The following WDR3 variants were observed in gnomAD, a reference collection of about 807,000 sequenced individuals.
WDR3 encodes the protein WD repeat domain 3, also known as WD repeat-containing protein 3.
In WDR3, 81 loss-of-function variants were observed where a neutral mutation model predicts 123.7. That is an observed-to-expected ratio of 0.65 (90% CI 0.55 to 0.79). The LOEUF (loss-of-function observed/expected upper bound fraction) is 0.79, where lower values mean the gene tolerates loss of function less well. WDR3 is among the 30% of genes least tolerant of loss of function. The probability of loss-of-function intolerance (pLI) is 0.00; values close to 1 mark genes in which losing one functional copy is unlikely to be tolerated. For missense variants in WDR3, 1,027 were observed against 1,123.2 expected, an observed-to-expected ratio of 0.91 and a Z score of 1.22; for synonymous variants, 390 against 388.8, an observed-to-expected ratio of 1.00 and a Z score of -0.04.
intron 15 of WDR3, 101 bp downstream of exon 15, chr1:117,950,231 T>C: frequency 7.3e-7 from 1 of 1,363,128 alleles, no homozygotes; most frequent in Non-Finnish European, 1.0e-6. Flanking sequence ...TGCCCAGCGA[T>C]AGTACATTTC....
Position 117,952,532 on chromosome 1 carries a change from A to C in WDR3, c.2021A>C (p.His674Pro), listed in dbSNP as rs759127623. The change falls in exon 19 of 27, where the codon CAT becomes CCT. Residue 674 changes from histidine (H) to proline (P), a missense_variant. By Grantham distance (77) the His-to-Pro change is moderately conservative. Transcript: ENST00000349139. ...KFEHIQTLEG[H>P]HQEIWCLAVS... Reference sequence around the variant, plus strand: ...TATTTTTTTTTTCTCCTCCAGGGTCATCACCAGGAAATATGGTGTTTGGCT... The same window carrying C: ...TATTTTTTTTTTCTCCTCCAGGGTCCTCACCAGGAAATATGGTGTTTGGCT... The C allele has an allele frequency of 2.5e-6, 4 of 1,609,612 alleles. No homozygotes were observed. In the Admixed American group the frequency reaches 5.1e-5, roughly 20 times the overall value.
intron 5 of WDR3, among the ~76,000 whole-genome samples, chr1:117,938,993 C>T (rs1482079857): frequency 1.3e-5 from 2 of 152,132 alleles, no homozygotes. Flanking sequence ...TCATATCAGG[C>T]ATTCAGGAAG....
intron 24 of WDR3, among the ~76,000 whole-genome samples, chr1:117,956,773 A>G (rs79017997): frequency 6.6e-6 from 1 of 152,358 alleles, no homozygotes; most frequent in East Asian, 1.9e-4. Flanking sequence ...GTAAAAGAAT[A>G]TCATATGAAG....
chr1:117,953,669 T>C, intron 21 of WDR3, 128 bp downstream of exon 21: 1 of 818,064 alleles, frequency 1.2e-6, no homozygotes, highest in South Asian at 1.7e-5. Context: ...AAGATGGGGA[T>C]TATAACCTGT....
intron 15 of WDR3, 31 bp downstream of exon 15, chr1:117,950,161 C>A (rs367687872): frequency 6.2e-7 from 1 of 1,610,118 alleles, no homozygotes; most frequent in Non-Finnish European, 8.5e-7. Context: ...GATATTTTCC[C>A]TTTCTGACTG....
Position 117,960,189 on chromosome 1 carries a change from T to C in WDR3, c.*742T>C, listed in dbSNP as rs868431681. The stretch of plus-strand genomic sequence containing the variant: ...ACACATACATATATATAGTTGACAC[T>C]TGAAAAATGCAGGTGGTAGGGGCAC... On this transcript the variant is annotated 3_prime_UTR_variant, in exon 27 of 27. Coordinates refer to ENST00000349139, the MANE Select transcript of WDR3 (RefSeq NM_006784.3). The C allele has an allele frequency of 3.3e-5, 5 of 151,388 alleles. No individual in the cohort carries two copies. The highest frequency in any genetic ancestry group is 3.4e-3 in the Middle Eastern group (1 of 294). The allele number at this position is 151,388 out of a possible 1,614,324, so 9.4% of individuals were successfully genotyped here. A position where few individuals can be genotyped will look rare whatever the true frequency, so the allele number is the denominator to read the frequency against.
intron 24 of WDR3, among the ~76,000 whole-genome samples, chr1:117,956,799 A>G (rs1237950960): frequency 6.6e-6 from 1 of 152,348 alleles, no homozygotes; most frequent in Middle Eastern, 3.4e-3. Flanking sequence ...ATATTCAACA[A>G]AAGGCTTTGG....
rs150473989 is a variant in WDR3 at position 117,959,300 on chromosome 1, C to T, written c.2685C>T (p.Ile895=). The stretch of plus-strand genomic sequence containing the variant: ...CTTGTATTGCACTCCAGGATGTTAT[C>T]GGCTTCAATATGGCTGGTCTTGATT... ...ISKVSQVRDV[I]GFNMAGLDYL... Residue 895 remains isoleucine (I), a synonymous_variant, in exon 27 of 27, where the codon ATC becomes ATT. Transcript: ENST00000349139. 1.6e-4 allele frequency: 263 copies of T among 1,610,186 alleles called. No homozygotes were observed. Among genetic ancestry groups the T allele is most frequent in the African/African-American group, 1.6e-3 (117 of 74,714 alleles).
At position 117,953,485 on chromosome 1, in the gene WDR3, G is replaced by C. The variant is rs1651738528; in HGVS notation, c.2212G>C (p.Glu738Gln). The change falls in exon 21 of 27, where the codon GAG becomes CAG. Residue 738 changes from glutamate to glutamine, a missense_variant. By Grantham distance (29) the Glu-to-Gln change is conservative (BLOSUM62 2). Transcript: ENST00000349139. Reference protein sequence around the residue: ...AKEDQPAVPGETQGDSYFTGK... With the variant: ...AKEDQPAVPGQTQGDSYFTGK... ...TCTTTGTTTCTGGCAGGTTCCAGGA[G>C]AGACTCAAGGTGACAGTTACTTTAC... 1.9e-6 allele frequency: 3 copies of C among 1,612,806 alleles called. No individual in the cohort carries two copies. Among genetic ancestry groups the C allele is most frequent in the Non-Finnish European group, 2.5e-6 (3 of 1,179,140 alleles).
At chr1:117,952,834 A>T (rs1651680712) in intron 19 of WDR3, 112 bp from the exon 20 acceptor site, 8 of 1,429,990 alleles carry the variant, frequency 5.6e-6, no homozygotes, top group Non-Finnish European at 7.7e-6. Flanking sequence ...AGAGATAAAG[A>T]TGCCATTAGG....
rs746607177 is a variant in WDR3 at position 117,942,405 on chromosome 1, A to C, written c.990-32A>C. The C allele has an allele frequency of 1.9e-6, 3 of 1,580,488 alleles. No homozygotes were observed. The African/African-American group carries it at 4.1e-5, about 21-fold the overall frequency. ...GAGCAAAGCTGCTTCTAGAAAAATA[A>C]GAGCATGATATACTTTTCTTCTTCC... On this transcript the variant is annotated intron_variant, in intron 9 of 26. Transcript: ENST00000349139.
Position 117,948,390 on chromosome 1 carries a change from T to C in WDR3, c.1423-15T>C, listed in dbSNP as rs1347953170. On this transcript the variant is annotated splice_polypyrimidine_tract_variant and intron_variant, in intron 12 of 26. Coordinates refer to ENST00000349139, the MANE Select transcript of WDR3 (RefSeq NM_006784.3). The stretch of plus-strand genomic sequence containing the variant: ...GTATGTTCATTGGAGCTGTGCTCAT[T>C]TTGTGTCTTCCCAGACAGGGAAGCT... 13 of 1,611,754 alleles carry C rather than the reference T, an allele frequency of 8.1e-6. No homozygotes were observed. The African/African-American group carries it at 1.7e-4, about 22-fold the overall frequency.
intron 6 of WDR3, 148 bp from the exon 7 acceptor site, chr1:117,940,679 G>C: frequency 1.5e-6 from 1 of 689,102 alleles, no homozygotes; most frequent in Admixed American, 2.7e-5. Flanking sequence ...AGTGAGATGT[G>C]ATCATGCCAT....
At chr1:117,941,299 T>C (rs1651163386) in intron 8 of WDR3, 74 bp downstream of exon 8, 2 of 1,452,458 alleles carry the variant, frequency 1.4e-6, no homozygotes, top group Non-Finnish European at 1.9e-6. Flanking sequence ...TCATATTCAA[T>C]GTAAAGATGA....
chr1:117,935,579 T>C (rs1650916321), intron 3 of WDR3, among the ~76,000 whole-genome samples: 1 of 152,032 alleles, frequency 6.6e-6, no homozygotes, highest in Admixed American at 6.5e-5. Context: ...ATAGATTACT[T>C]ATAAAACAGT....
intron 12 of WDR3, among the ~76,000 whole-genome samples, chr1:117,948,087 G>A (rs558117980): frequency 1.8e-4 from 27 of 152,262 alleles, no homozygotes; most frequent in African/African-American, 6.5e-4. Flanking sequence ...TGTTTATTCT[G>A]ATTTGCCTAT....
chr1:117,955,985 C>T (rs1294872764), intron 24 of WDR3, among the ~76,000 whole-genome samples: 4 of 152,080 alleles, frequency 2.6e-5, no homozygotes, highest in African/African-American at 9.7e-5. Context: ...AATTACTTTC[C>T]AGGGTGATTA....
intron 23 of WDR3, 67 bp downstream of exon 23, chr1:117,954,694 G>A (rs1651908795): frequency 2.7e-6 from 4 of 1,492,960 alleles, no homozygotes; most frequent in Admixed American, 3.7e-5. Flanking sequence ...AAGAAAGGAA[G>A]TAGAGGCATT....
chr1:117,939,917 A>G (rs1651080072), intron 6 of WDR3, among the ~76,000 whole-genome samples: 1 of 152,210 alleles, frequency 6.6e-6, no homozygotes, highest in Non-Finnish European at 1.5e-5. Flanking sequence ...GTTTATAAAT[A>G]TGTATATTCT....
Sources: allele counts gnomAD v4.1 joint callset (sites outside exome capture counted in the v4.1 genomes callset), GRCh38; gene constraint gnomAD v4.1.1; transcripts MANE v1.5; gene names NCBI Gene and HGNC (gene_info 2026-07-23, HGNC 2026-07-21).